The following CSMD1 variants were observed in gnomAD, a reference collection of about 807,000 sequenced individuals.
CSMD1 encodes CUB and Sushi multiple domains 1, also known as CUB and sushi domain-containing protein 1.
In CSMD1, 213 loss-of-function variants were observed where a neutral mutation model predicts 417.5. The ratio of observed to expected loss-of-function variants is 0.51; its 90% confidence interval spans 0.46 to 0.57. The LOEUF (loss-of-function observed/expected upper bound fraction) is 0.57. Ranked by LOEUF, CSMD1 falls within the 20% of genes least tolerant of loss-of-function variation. The pLI, the probability that CSMD1 is intolerant of heterozygous loss-of-function variation, is 0.00. For synonymous variants in CSMD1, 2,862 were observed against 1,736.8 expected (o/e 1.65, Z -16.11); for missense variants, 6,923 against 4,529.7 (o/e 1.53, Z -15.17).
chr8:3,986,258 C>T (rs1042783601), intron 5 of CSMD1, among the ~76,000 whole-genome samples: 4 of 152,134 alleles, frequency 2.6e-5, no homozygotes, highest in African/African-American at 7.2e-5. Flanking sequence ...CCTCGCCTGG[C>T]TGAGGGCATC....
chr8:3,344,710 C>G (rs1807876301), intron 22 of CSMD1, among the ~76,000 whole-genome samples: 1 of 152,168 alleles, frequency 6.6e-6, no homozygotes, highest in Non-Finnish European at 1.5e-5. Context: ...CTTCTTTCCT[C>G]TTTATACAGA....
chr8:3,179,977 C>A (rs549239811), intron 37 of CSMD1, among the ~76,000 whole-genome samples: 133 of 152,306 alleles, frequency 8.7e-4, no homozygotes, highest in African/African-American at 3.2e-3. Context: ...AGCTGGCAAT[C>A]TGGCCTTTCA....
chr8:3,189,282 G>A (rs995024240), intron 34 of CSMD1, among the ~76,000 whole-genome samples: 1 of 152,132 alleles, frequency 6.6e-6, no homozygotes, highest in Non-Finnish European at 1.5e-5. Flanking sequence ...TCCAATGATG[G>A]CATCTCCAAA....
intron 3 of CSMD1, among the ~76,000 whole-genome samples, chr8:4,321,585 G>A (rs529171124): frequency 2.0e-5 from 3 of 152,022 alleles, no homozygotes; most frequent in Non-Finnish European, 4.4e-5. Flanking sequence ...GTGAGTATCT[G>A]GTATATAACA....
intron 5 of CSMD1, among the ~76,000 whole-genome samples, chr8:3,829,986 T>C (rs1183357346): frequency 1.3e-5 from 2 of 152,336 alleles, no homozygotes; most frequent in East Asian, 1.9e-4. Context: ...TTTTTGTTTA[T>C]ACATTTGTTT....
At chr8:3,486,771 G>C (rs886567423) in intron 11 of CSMD1, among the ~76,000 whole-genome samples, 1 of 152,198 alleles carries the variant, frequency 6.6e-6, no homozygotes, top group East Asian at 1.9e-4. Context: ...CCCTGACTCT[G>C]CTGGCTTTCC....
chr8:4,296,071 G>T (rs1797665576), intron 3 of CSMD1, among the ~76,000 whole-genome samples: 1 of 152,036 alleles, frequency 6.6e-6, no homozygotes, highest in Non-Finnish European at 1.5e-5. Context: ...CCCTTAAAAT[G>T]ATGTGCTCTC....
intron 11 of CSMD1, among the ~76,000 whole-genome samples, chr8:3,485,262 G>A (rs1423201577): frequency 2.0e-5 from 3 of 152,118 alleles, no homozygotes; most frequent in Non-Finnish European, 4.4e-5. Context: ...AAAGTCCAGG[G>A]AATTTTGCTG....
At chr8:3,262,079 A>C (rs1334188646) in intron 26 of CSMD1, among the ~76,000 whole-genome samples, 1 of 151,590 alleles carries the variant, frequency 6.6e-6, no homozygotes, top group African/African-American at 2.4e-5. Context: ...AAGTAAAACA[A>C]GTTCAATTAA....
intron 7 of CSMD1, among the ~76,000 whole-genome samples, chr8:3,686,866 T>C (rs758488941): frequency 1.3e-5 from 2 of 152,228 alleles, no homozygotes; most frequent in Non-Finnish European, 2.9e-5. Context: ...GCTTTTCTCC[T>C]GTTAATCTTT....
intron 2 of CSMD1, among the ~76,000 whole-genome samples, chr8:4,635,677 A>G (rs1456056732): frequency 6.6e-6 from 1 of 152,138 alleles, no homozygotes; most frequent in Non-Finnish European, 1.5e-5. Context: ...TATTACCATT[A>G]TAATACACTA....
intron 5 of CSMD1, among the ~76,000 whole-genome samples, chr8:3,959,069 C>G (rs756185986): frequency 2.0e-5 from 3 of 152,330 alleles, no homozygotes; most frequent in Middle Eastern, 6.8e-3. Flanking sequence ...CACCATGTTT[C>G]TCAAGCTCAG....
chr8:2,988,579 A>C (rs769214564), intron 54 of CSMD1, among the ~76,000 whole-genome samples: 4 of 152,208 alleles, frequency 2.6e-5, no homozygotes, highest in Non-Finnish European at 5.9e-5. Flanking sequence ...GGAGAGTAGG[A>C]AAATGTGATT....
At chr8:3,517,162 C>G (rs1321614805) in intron 10 of CSMD1, among the ~76,000 whole-genome samples, 1 of 152,140 alleles carries the variant, frequency 6.6e-6, no homozygotes, top group Non-Finnish European at 1.5e-5. Flanking sequence ...CATGCTCATC[C>G]CTTCTCATGC....
chr8:3,541,814 A>C (rs912216485), intron 10 of CSMD1, among the ~76,000 whole-genome samples: 6 of 151,760 alleles, frequency 4.0e-5, no homozygotes, highest in African/African-American at 1.5e-4. Flanking sequence ...TGTGCTGGGC[A>C]TGATGGCTTG....
intron 3 of CSMD1, among the ~76,000 whole-genome samples, chr8:4,059,119 G>T (rs896166767): frequency 3.3e-5 from 5 of 152,284 alleles, no homozygotes; most frequent in South Asian, 2.1e-4. Flanking sequence ...AATCAAACTA[G>T]AACTCAGGAT....
intron 7 of CSMD1, among the ~76,000 whole-genome samples, chr8:3,673,866 C>G (rs1030974821): frequency 1.3e-5 from 2 of 152,142 alleles, no homozygotes; most frequent in African/African-American, 2.4e-5. Context: ...CCCTGTAATC[C>G]TAGCACTTTG....
At chr8:4,490,576 T>A (rs570115492) in intron 2 of CSMD1, among the ~76,000 whole-genome samples, 1 of 152,150 alleles carries the variant, frequency 6.6e-6, no homozygotes, top group Non-Finnish European at 1.5e-5. Context: ...AGAATTCTTC[T>A]CATCAAGGAG....
chr8:3,583,687 C>G (rs1042253052), intron 9 of CSMD1, among the ~76,000 whole-genome samples: 16 of 152,104 alleles, frequency 1.1e-4, no homozygotes, highest in African/African-American at 3.1e-4. Flanking sequence ...AACTTCTCAG[C>G]CTCTGCAGAT....
Sources: gnomAD v4.1 joint callset for allele counts (sites outside exome capture counted in the v4.1 genomes callset) on GRCh38, gnomAD v4.1.1 for gene constraint, MANE v1.5 for transcripts, NCBI Gene and HGNC (gene_info 2026-07-23, HGNC 2026-07-21) for gene names.